Variants in SLCO3A1 observed in about 807,000 individuals in gnomAD.
SLCO3A1 encodes the protein PGE1 transporter.
A neutral mutation model predicts 63.1 loss-of-function variants in SLCO3A1; 27 were observed. The observed-to-expected ratio is 0.43, with a 90% CI of 0.32 to 0.59. The LOEUF (loss-of-function observed/expected upper bound fraction) is 0.59. Among genes scored for constraint, SLCO3A1 ranks in the 20% least tolerant of loss-of-function variants. The pLI, the probability that SLCO3A1 is intolerant of heterozygous loss-of-function variation, is 0.09. For missense variants in SLCO3A1, 773 were observed against 945.8 expected (o/e 0.82, Z 2.40); for synonymous variants, 473 against 409.9 (o/e 1.15, Z -1.86).
intron 5 of SLCO3A1, among the ~76,000 whole-genome samples, chr15:92,125,398 G>A (rs1169399584): frequency 1.3e-5 from 2 of 152,126 alleles, no homozygotes; most frequent in Non-Finnish European, 2.9e-5. Context: ...CAGGTTTATG[G>A]TCCTGCTCAC....
At chr15:92,151,199 A>G in intron 9 of SLCO3A1, 185 bp downstream of exon 9, 1 of 557,230 alleles carries the variant, frequency 1.8e-6, no homozygotes, top group Non-Finnish European at 3.1e-6. Flanking sequence ...CTGCCTCGAT[A>G]TCACGAAGTT....
intron 1 of SLCO3A1, among the ~76,000 whole-genome samples, chr15:91,877,303 C>T (rs1897423475): frequency 6.6e-6 from 1 of 152,156 alleles, no homozygotes; most frequent in South Asian, 2.1e-4. Flanking sequence ...TCAGACCTCC[C>T]TCTCTAATCT....
chr15:92,058,262 A>C (rs2047045193), intron 2 of SLCO3A1, among the ~76,000 whole-genome samples: 1 of 152,158 alleles, frequency 6.6e-6, no homozygotes, highest in Non-Finnish European at 1.5e-5. Context: ...TCAAGTCCTG[A>C]GAGTCTAAGT....
intron 2 of SLCO3A1, among the ~76,000 whole-genome samples, chr15:92,016,266 A>ATAGATAGATAGATATAGATAGATAGAT (rs2046434969): frequency 1.6e-4 from 21 of 134,912 alleles, no homozygotes; most frequent in East Asian, 4.3e-4. Flanking sequence ...AGATAGATAG[A>ATAGATAGATAGATATAGATAGATAGAT]TAGATAGATA....
In SLCO3A1 at chr15:92,162,964, C is replaced by G; in HGVS notation, c.1962C>G (p.Arg654=). ...TWQCLRKNYK[R]YIKNHEGGLS... is the part of the protein sequence containing the mutation. Reference sequence around the variant, plus strand: ...AGTGCCTGAGGAAAAACTATAAACGCTACATCAAAAACCACGAGGGCGGGC... The same window carrying G: ...AGTGCCTGAGGAAAAACTATAAACGGTACATCAAAAACCACGAGGGCGGGC... Residue 654 remains arginine (R), a synonymous_variant, in exon 10 of 10, where the codon CGC becomes CGG. Coordinates refer to ENST00000318445, the MANE Select transcript of SLCO3A1 (RefSeq NM_013272.4). 6.2e-7 allele frequency: 1 copy of G among 1,614,140 alleles called. No homozygotes were observed. The highest frequency in any genetic ancestry group is 8.5e-7 in the Non-Finnish European group (1 of 1,180,020).
chr15:92,126,561 A>G (rs1329892990), intron 6 of SLCO3A1, among the ~76,000 whole-genome samples: 2 of 152,220 alleles, frequency 1.3e-5, no homozygotes, highest in Non-Finnish European at 2.9e-5. Context: ...GAAAATAAAA[A>G]TTTTAATTCA....
Position 91,916,597 on chromosome 15 carries a change from A to C in SLCO3A1, c.646+139A>C. On this transcript the variant is annotated intron_variant, in intron 2 of 9. Coordinates refer to ENST00000318445, the MANE Select transcript of SLCO3A1 (RefSeq NM_013272.4). The surrounding 1 kb of genome is among the most constrained non-coding windows in gnomAD (Gnocchi z 6.2). The stretch of plus-strand genomic sequence containing the variant: ...CACCTAGTGTTCTTGAAAAATACTC[A>C]TGCCTGGGGGTGCAACCTGGGCATT... 1 of 672,758 alleles carries C rather than the reference A, an allele frequency of 1.5e-6. No individual in the cohort carries two copies. The highest frequency in any genetic ancestry group is 2.4e-6 in the Non-Finnish European group (1 of 410,486). 41.7% of individuals were successfully genotyped at this position (672,758 alleles called of 1,614,324 possible).
intron 4 of SLCO3A1, among the ~76,000 whole-genome samples, chr15:92,115,720 C>T (rs2047786286): frequency 6.8e-6 from 1 of 147,866 alleles, no homozygotes; most frequent in African/African-American, 2.5e-5. Context: ...TCAGCAAAAC[C>T]TTTTCTACAG....
intron 2 of SLCO3A1, among the ~76,000 whole-genome samples, chr15:92,076,443 C>A (rs1402726093): frequency 6.6e-6 from 1 of 152,170 alleles, no homozygotes; most frequent in Non-Finnish European, 1.5e-5. Context: ...GTTAGGATTT[C>A]TGCTTTATCC....
In SLCO3A1 at chr15:91,885,436, A is replaced by T. The variant is rs1385260459; in HGVS notation, c.181-30557A>T. ...CTGCCCTAGCTCCTGTGTTTCAGGAAGAAGCCGGGCAGATGCCTCTTTGTT... is the reference window on the plus strand; with the variant it reads ...CTGCCCTAGCTCCTGTGTTTCAGGATGAAGCCGGGCAGATGCCTCTTTGTT... On this transcript the variant is annotated intron_variant, in intron 1 of 9. Transcript: ENST00000318445. This position sits in a 1 kb window ranked among gnomAD's most constrained non-coding sequence, Gnocchi z 4.7. Among the ~76,000 whole-genome samples, 1 of 152,214 alleles carries T rather than the reference A, an allele frequency of 6.6e-6. No individual in the cohort carries two copies. The highest frequency in any genetic ancestry group is 1.5e-5 in the Non-Finnish European group (1 of 68,040).
chr15:92,062,725 C>T (rs751647900), intron 2 of SLCO3A1, among the ~76,000 whole-genome samples: 4 of 152,162 alleles, frequency 2.6e-5, no homozygotes, highest in Non-Finnish European at 4.4e-5. Context: ...GTCACTCTCT[C>T]GGGCTCCGGC....
At position 92,126,247 on chromosome 15, in the gene SLCO3A1, C is replaced by A. The variant is rs776746205; in HGVS notation, c.1361C>A (p.Pro454His). 4 of 1,613,940 alleles carry A rather than the reference C, an allele frequency of 2.5e-6. No individual in the cohort carries two copies. Among genetic ancestry groups the A allele is most frequent in the East Asian group, 2.2e-5 (1 of 44,836 alleles). ...DTGPVAGVTV[P>H]YGNSTAPGSA... is the part of the protein sequence containing the mutation. ...GGCCCTGTGGCTGGGGTTACTGTTC[C>A]CTATGGAAACAGGTGAGTACTGGCA... The change falls in exon 6 of 10, where the codon CCC becomes CAC. Residue 454 changes from proline (P) to histidine (H), a missense_variant. By Grantham distance (77) the Pro-to-His change is moderately conservative. Transcript: ENST00000318445.
intron 2 of SLCO3A1, among the ~76,000 whole-genome samples, chr15:92,036,293 A>T (rs1183236087): frequency 6.6e-6 from 1 of 151,794 alleles, no homozygotes; most frequent in African/African-American, 2.4e-5. Flanking sequence ...CCAGCCTATT[A>T]TTGAAGAAGG....
intron 7 of SLCO3A1, among the ~76,000 whole-genome samples, chr15:92,139,393 G>C (rs974776079): frequency 1.3e-5 from 2 of 151,956 alleles, no homozygotes; most frequent in African/African-American, 4.8e-5. Flanking sequence ...TTTTATTGAG[G>C]ATTTTGGCAT....
At chr15:91,982,190 C>A (rs959317784) in intron 2 of SLCO3A1, among the ~76,000 whole-genome samples, 1 of 152,228 alleles carries the variant, frequency 6.6e-6, no homozygotes, top group Non-Finnish European at 1.5e-5. Flanking sequence ...ATGGGTCATG[C>A]CGGCCACACA....
chr15:91,854,183 G>A lies in SLCO3A1; in HGVS notation c.180+95G>A, dbSNP rs1896851252. 1.9e-5 allele frequency: 23 copies of A among 1,202,412 alleles called. No individual in the cohort carries two copies. Among genetic ancestry groups the A allele is most frequent in the Non-Finnish European group, 2.2e-5 (21 of 936,506 alleles). The allele number at this position is 1,202,412 out of a possible 1,614,324, so 74.5% of individuals were successfully genotyped here. A position where few individuals can be genotyped will look rare whatever the true frequency, so the allele number is the denominator to read the frequency against. ...ACGAGGGGGCCGCCCGGCGCTGGGG[G>A]CAGGCGGGCATGACCTCGGCCCGGC... On this transcript the variant is annotated intron_variant, in intron 1 of 9. Transcript: ENST00000318445. This position sits in a 1 kb window ranked among gnomAD's most constrained non-coding sequence, Gnocchi z 6.4.
intron 2 of SLCO3A1, among the ~76,000 whole-genome samples, chr15:91,960,197 ATGC>A (rs1041709339): frequency 1.3e-5 from 2 of 152,096 alleles, no homozygotes; most frequent in Non-Finnish European, 2.9e-5. Flanking sequence ...GTTAGCCAGG[ATGC>A]TCTCGATCTC....
chr15:91,917,829 G>T (rs1320140529), intron 2 of SLCO3A1, among the ~76,000 whole-genome samples: 26 of 152,202 alleles, frequency 1.7e-4, no homozygotes, highest in Non-Finnish European at 2.9e-5. Flanking sequence ...ACTACAGCAT[G>T]TAGCCACAAA....
intron 2 of SLCO3A1, among the ~76,000 whole-genome samples, chr15:91,974,660 C>T (rs914531415): frequency 6.6e-6 from 1 of 152,080 alleles, no homozygotes; most frequent in Non-Finnish European, 1.5e-5. Flanking sequence ...CCCCAGGGAG[C>T]AGAGAATTGG....
Sources: allele counts gnomAD v4.1 joint callset (sites outside exome capture counted in the v4.1 genomes callset), GRCh38; gene constraint gnomAD v4.1.1; non-coding constraint Gnocchi (gnomAD v3.1); transcripts MANE v1.5; gene names NCBI Gene and HGNC (gene_info 2026-07-23, HGNC 2026-07-21).